Variants in PPP2CA observed in about 807,000 individuals in gnomAD.
PPP2CA encodes serine/threonine-protein phosphatase 2A catalytic subunit alpha isoform.
A neutral mutation model predicts 38.8 loss-of-function variants in PPP2CA; 5 were observed. The ratio of observed to expected loss-of-function variants is 0.13; its 90% CI spans 0.07 to 0.27. The LOEUF (loss-of-function observed/expected upper bound fraction) is 0.27. PPP2CA is among the 10% of genes least tolerant of loss of function. The pLI is 1.00. For synonymous variants in PPP2CA, 152 were observed against 134.0 expected, an observed-to-expected ratio of 1.13 and a Z score of -0.93; for missense variants, 88 against 389.7, an observed-to-expected ratio of 0.23 and a Z score of 6.52.
intron 1 of PPP2CA, 140 bp from the exon 2 acceptor site, chr5:134,206,271 A>AT: frequency 1.4e-6 from 1 of 691,496 alleles, no homozygotes; most frequent in East Asian, 2.8e-5. Context: ...ACCCATTAAA[A>AT]TAAGTGAGAT....
At chr5:134,215,673 A>G (rs1053742255) in intron 1 of PPP2CA, among the ~76,000 whole-genome samples, 1 of 152,214 alleles carries the variant, frequency 6.6e-6, no homozygotes, top group African/African-American at 2.4e-5. Context: ...TCCCGGGCTC[A>G]AGATATCCTC....
Position 134,201,956 on chromosome 5 carries a change from A to C in PPP2CA, c.378T>G (p.Val126=). The C allele has an allele frequency of 6.2e-7, 1 of 1,614,102 alleles. No individual in the cohort carries two copies. The change falls in exon 3 of 7, where the codon GTT becomes GTG. Residue 126 remains valine (V), a synonymous_variant. Coordinates refer to ENST00000481195, the MANE Select transcript of PPP2CA (RefSeq NM_002715.4). ...GNHESRQITQ[V]YGFYDECLRK... ...TTAAACATTCATCATAGAAACCATA[A>C]ACTTGTGTGATCTGTCTGCTCTCAT...
intron 2 of PPP2CA, among the ~76,000 whole-genome samples, chr5:134,203,315 C>T (rs551807815): frequency 5.0e-4 from 76 of 152,248 alleles, no homozygotes; most frequent in South Asian, 1.5e-3. Context: ...CATTCTGATC[C>T]ATTTGCTTCA....
At chr5:134,223,793 A>G (rs1170258692) in intron 1 of PPP2CA, among the ~76,000 whole-genome samples, 1 of 152,228 alleles carries the variant, frequency 6.6e-6, no homozygotes, top group African/African-American at 2.4e-5. Flanking sequence ...CTAGATTCAT[A>G]GCTCCTCGAC....
chr5:134,222,766 G>A (rs1762472594), intron 1 of PPP2CA, among the ~76,000 whole-genome samples: 1 of 152,172 alleles, frequency 6.6e-6, no homozygotes, highest in Admixed American at 6.5e-5. Context: ...CTGAGCCTGA[G>A]GCAAAGCTGC....
chr5:134,203,878 C>T (rs1762020340), intron 2 of PPP2CA, among the ~76,000 whole-genome samples: 1 of 152,120 alleles, frequency 6.6e-6, no homozygotes, highest in African/African-American at 2.4e-5. Flanking sequence ...CCATGTCTGG[C>T]TAAAATTGTT....
rs1391290985 is a variant in PPP2CA at position 134,225,744 on chromosome 5, C to T, written c.102+16G>A. 1 of 1,598,308 alleles carries T rather than the reference C, an allele frequency of 6.3e-7. No individual in the cohort carries two copies. Among genetic ancestry groups the T allele is most frequent in the Admixed American group, 1.7e-5 (1 of 59,480 alleles). ...TCGGCCCCGCGGCGGCTGTCCGCAGCCGTACTACAGCTCACCTTCTCGCAG... is the reference window on the plus strand; with the variant it reads ...TCGGCCCCGCGGCGGCTGTCCGCAGTCGTACTACAGCTCACCTTCTCGCAG... On this transcript the variant is annotated intron_variant, in intron 1 of 6. Transcript: ENST00000481195.
chr5:134,216,273 A>G (rs1396109765), intron 1 of PPP2CA, among the ~76,000 whole-genome samples: 1 of 152,140 alleles, frequency 6.6e-6, no homozygotes, highest in African/African-American at 2.4e-5. Flanking sequence ...ACGGTGGATC[A>G]TGCCTGTAAT....
chr5:134,198,217 C>T (rs1761894846), intron 6 of PPP2CA, among the ~76,000 whole-genome samples: 1 of 151,862 alleles, frequency 6.6e-6, no homozygotes, highest in Non-Finnish European at 1.5e-5. Context: ...GGTGAAACCC[C>T]ATATCTACTA....
At chr5:134,218,558 C>T (rs1416222562) in intron 1 of PPP2CA, among the ~76,000 whole-genome samples, 1 of 152,110 alleles carries the variant, frequency 6.6e-6, no homozygotes, top group African/African-American at 2.4e-5. Context: ...TATATATCTA[C>T]TTATTAAAAA....
At chr5:134,225,699 C>A (rs1365216577) in intron 1 of PPP2CA, 61 bp downstream of exon 1, 1 of 1,520,442 alleles carries the variant, frequency 6.6e-7, no homozygotes, top group African/African-American at 1.4e-5. Flanking sequence ...CTCCTCACGG[C>A]CGCCTTTTCC....
intron 1 of PPP2CA, among the ~76,000 whole-genome samples, chr5:134,206,895 C>T (rs946756363): frequency 2.0e-5 from 3 of 152,166 alleles, no homozygotes; most frequent in Non-Finnish European, 4.4e-5. Context: ...ATTCCCACTA[C>T]CGTAGAGGGG....
rs1364809225 is a variant in PPP2CA at position 134,196,162 on chromosome 5, T to A, written c.*1610A>T. On this transcript the variant is annotated 3_prime_UTR_variant, in exon 7 of 7. Coordinates refer to ENST00000481195, the MANE Select transcript of PPP2CA (RefSeq NM_002715.4). Reference sequence around the variant, plus strand: ...ACTCCACAAGCCACTAAAAATACTATCAATTAGATCAGAAAAGACATTCGG... The same window carrying A: ...ACTCCACAAGCCACTAAAAATACTAACAATTAGATCAGAAAAGACATTCGG... 1 of 152,204 alleles carries A rather than the reference T, an allele frequency of 6.6e-6. No individual in the cohort carries two copies. The highest frequency in any genetic ancestry group is 1.9e-4 in the East Asian group (1 of 5,202). 9.4% of individuals were successfully genotyped at this position (152,204 alleles called of 1,614,324 possible). A position where few individuals can be genotyped will look rare whatever the true frequency, so the allele number is the denominator to read the frequency against.
chr5:134,203,595 G>C (rs1430369019), intron 2 of PPP2CA: 1 of 152,088 alleles, frequency 6.6e-6, no homozygotes, highest in Non-Finnish European at 1.5e-5. Flanking sequence ...ACTGGATTAG[G>C]GTCCAACCAT....
intron 1 of PPP2CA, among the ~76,000 whole-genome samples, chr5:134,215,636 A>G (rs1303832170): frequency 6.6e-6 from 1 of 152,118 alleles, no homozygotes; most frequent in East Asian, 1.9e-4. Context: ...ACAGGGTCTC[A>G]CTATGCTGCC....
intron 1 of PPP2CA, among the ~76,000 whole-genome samples, chr5:134,218,562 T>C (rs973456060): frequency 1.6e-4 from 24 of 152,186 alleles, no homozygotes; most frequent in African/African-American, 4.6e-4. Flanking sequence ...TATCTACTTA[T>C]TAAAAAATTG....
chr5:134,208,782 T>A (rs1027135043), intron 1 of PPP2CA, among the ~76,000 whole-genome samples: 6 of 152,230 alleles, frequency 3.9e-5, no homozygotes, highest in African/African-American at 1.4e-4. Context: ...ACACACATAC[T>A]GTATGTCTAC....
rs899839170 is a variant in PPP2CA at position 134,201,098 on chromosome 5, T to C, written c.487-24A>G. 3.2e-6 allele frequency: 5 copies of C among 1,542,964 alleles called. No individual in the cohort carries two copies. The Admixed American group carries it at 6.7e-5, about 21-fold the overall frequency. On this transcript the variant is annotated intron_variant, in intron 3 of 6. Coordinates refer to ENST00000481195, the MANE Select transcript of PPP2CA (RefSeq NM_002715.4). The stretch of plus-strand genomic sequence containing the variant: ...ATCTGAAAAGAGTGGTTTAAAAGGT[T>C]AACCTCACCTAAAAAATTTGTAAAC...
rs144375867 is a variant in PPP2CA at position 134,220,274 on chromosome 5, C to T, written c.102+5486G>A. Among the ~76,000 whole-genome samples, 1,036 of 151,754 alleles carry T rather than the reference C, an allele frequency of 6.8e-3. 18 individuals carry two copies. Among genetic ancestry groups the T allele is most frequent in the African/African-American group, 0.023 (966 of 41,380 alleles). On this transcript the variant is annotated intron_variant, in intron 1 of 6. Transcript: ENST00000481195. ...AGGAGTTCAAGACCAGCCTGGCCAA[C>T]ATGGTGAAACCCTGTCTCTACTAAA...
Sources: allele counts gnomAD v4.1 joint callset (sites outside exome capture counted in the v4.1 genomes callset), GRCh38; gene constraint gnomAD v4.1.1; transcripts MANE v1.5; gene names NCBI Gene and HGNC (gene_info 2026-07-23, HGNC 2026-07-21).